The following ZNF423 variants were observed in gnomAD, a reference collection of about 807,000 sequenced individuals.
ZNF423 encodes the protein zinc finger protein 423.
A neutral mutation model predicts 95.8 loss-of-function variants in ZNF423; 12 were observed. That is an observed-to-expected ratio of 0.13 (90% CI 0.08 to 0.20). The LOEUF (loss-of-function observed/expected upper bound fraction) is 0.20, where lower values mean the gene tolerates loss of function less well. ZNF423 is among the 10% of genes least tolerant of loss of function. The probability of loss-of-function intolerance (pLI) is 1.00; values close to 1 mark genes in which losing one functional copy is unlikely to be tolerated. For synonymous variants in ZNF423, 749 were observed against 711.9 expected, an observed-to-expected ratio of 1.05 and a Z score of -0.83; for missense variants, 1,316 against 1,737.1, an observed-to-expected ratio of 0.76 and a Z score of 4.31.
chr16:49,741,956 C>T (rs1428454468), intron 2 of ZNF423, among the ~76,000 whole-genome samples: 1 of 152,218 alleles, frequency 6.6e-6, no homozygotes, highest in Non-Finnish European at 1.5e-5. Context: ...CTCTGCCCAC[C>T]AGGCGCTGGT....
intron 2 of ZNF423, among the ~76,000 whole-genome samples, chr16:49,749,560 T>C (rs2033593639): frequency 6.6e-6 from 1 of 152,232 alleles, no homozygotes; most frequent in Admixed American, 6.5e-5. Flanking sequence ...ATGAGCGCGA[T>C]CCCGCACATC....
intron 1 of ZNF423, among the ~76,000 whole-genome samples, chr16:49,852,302 C>T (rs934937049): frequency 2.0e-5 from 3 of 152,148 alleles, no homozygotes; most frequent in African/African-American, 7.2e-5. Flanking sequence ...CTGTAATTAA[C>T]AGGCAGTTGC....
chr16:49,577,572 G>A (rs1415005239), intron 5 of ZNF423, among the ~76,000 whole-genome samples: 1 of 152,152 alleles, frequency 6.6e-6, no homozygotes, highest in African/African-American at 2.4e-5. Context: ...GGGAAATGTG[G>A]TGCAAGACTT....
intron 2 of ZNF423, among the ~76,000 whole-genome samples, chr16:49,740,305 C>T (rs111870369): frequency 0.015 from 2,252 of 152,258 alleles, 58 homozygotes; most frequent in African/African-American, 0.052. Context: ...ATTCAGTGTT[C>T]GTTTGGGTCC....
At chr16:49,814,731 C>T (rs913390883) in intron 1 of ZNF423, among the ~76,000 whole-genome samples, 20 of 151,022 alleles carry the variant, frequency 1.3e-4, no homozygotes, top group Admixed American at 2.0e-4. Flanking sequence ...GTTTACAGCT[C>T]GACAGGCCTA....
At chr16:49,600,690 A>G (rs533545648) in intron 5 of ZNF423, among the ~76,000 whole-genome samples, 3 of 152,218 alleles carry the variant, frequency 2.0e-5, no homozygotes, top group South Asian at 4.2e-4. Context: ...ATTACCCGCC[A>G]GCGGCAAGAT....
chr16:49,667,427 A>C (rs1301780882), intron 3 of ZNF423, among the ~76,000 whole-genome samples: 2 of 152,246 alleles, frequency 1.3e-5, no homozygotes, highest in Admixed American at 6.5e-5. Context: ...AACTGGATAA[A>C]AGAAATTAAA....
At chr16:49,767,272 T>G (rs1261899437) in intron 2 of ZNF423, among the ~76,000 whole-genome samples, 1 of 152,100 alleles carries the variant, frequency 6.6e-6, no homozygotes, top group Non-Finnish European at 1.5e-5. Flanking sequence ...TCTTAACCAT[T>G]AGACTGTGAT....
intron 2 of ZNF423, among the ~76,000 whole-genome samples, chr16:49,753,065 G>A (rs1257056755): frequency 1.3e-5 from 2 of 152,156 alleles, no homozygotes; most frequent in Admixed American, 6.5e-5. Flanking sequence ...CCAGCATGGT[G>A]AAGCCCCATC....
At chr16:49,801,241 G>A (rs952672672) in intron 1 of ZNF423, among the ~76,000 whole-genome samples, 6 of 152,168 alleles carry the variant, frequency 3.9e-5, no homozygotes, top group African/African-American at 1.4e-4. Flanking sequence ...ACGCCAGCCT[G>A]GCCCAGGTCC....
chr16:49,644,260 G>A (rs1438224899), intron 3 of ZNF423, among the ~76,000 whole-genome samples: 2 of 152,096 alleles, frequency 1.3e-5, no homozygotes, highest in Non-Finnish European at 2.9e-5. Context: ...AGAACACTAG[G>A]GGGACTCTCT....
chr16:49,524,077 C>G (rs371348235), intron 6 of ZNF423, among the ~76,000 whole-genome samples: 31 of 152,294 alleles, frequency 2.0e-4, no homozygotes, highest in African/African-American at 5.3e-4. Context: ...TGGCCTGCCA[C>G]AGACAAATGA....
chr16:49,611,017 A>G (rs1372972504), intron 5 of ZNF423, among the ~76,000 whole-genome samples: 2 of 152,096 alleles, frequency 1.3e-5, no homozygotes, highest in African/African-American at 4.8e-5. Context: ...AGCAAAAGCT[A>G]ATAGAGCTGA....
At chr16:49,746,847 T>G (rs547113703) in intron 2 of ZNF423, among the ~76,000 whole-genome samples, 1 of 147,304 alleles carries the variant, frequency 6.8e-6, no homozygotes, top group African/African-American at 2.4e-5. Context: ...GGAGCCCATC[T>G]ACCCGAAGCA....
At chr16:49,791,612 AAG>A (rs1325510143) in intron 1 of ZNF423, among the ~76,000 whole-genome samples, 4 of 152,180 alleles carry the variant, frequency 2.6e-5, no homozygotes, top group African/African-American at 9.7e-5. Context: ...GAATGACGTA[AAG>A]GTATATGAGC....
upstream of ZNF423, among the ~76,000 whole-genome samples, chr16:49,859,030 T>C (rs898682681): frequency 6.6e-6 from 1 of 152,024 alleles, no homozygotes; most frequent in Non-Finnish European, 1.5e-5. Context: ...CCAGGCTTTC[T>C]GGGGGGCTGG....
intron 5 of ZNF423, among the ~76,000 whole-genome samples, chr16:49,618,600 T>C (rs1971957169): frequency 6.6e-6 from 1 of 152,192 alleles, no homozygotes; most frequent in African/African-American, 2.4e-5. Context: ...GTAAGTTTCC[T>C]GAGGCCTCCC....
intron 3 of ZNF423, among the ~76,000 whole-genome samples, chr16:49,641,678 G>T (rs1972980869): frequency 6.6e-6 from 1 of 152,224 alleles, no homozygotes. Context: ...TCCATGCCCT[G>T]AACATTCCTC....
At chr16:49,738,691 G>C (rs768111512) in intron 2 of ZNF423, among the ~76,000 whole-genome samples, 2 of 152,084 alleles carry the variant, frequency 1.3e-5, no homozygotes, top group South Asian at 4.1e-4. Flanking sequence ...GAAAGTGAGA[G>C]AGCCAGGAAC....
Sources: gnomAD v4.1 joint callset for allele counts (sites outside exome capture counted in the v4.1 genomes callset) on GRCh38, gnomAD v4.1.1 for gene constraint, MANE v1.5 for transcripts, NCBI Gene and HGNC (gene_info 2026-07-23, HGNC 2026-07-21) for gene names.